The following ZNF469 variants were observed in gnomAD, a reference collection of about 807,000 sequenced individuals.
ZNF469 encodes zinc finger protein 469.
Under a neutral mutation model 1.0 loss-of-function variants are expected in ZNF469, and 1 was observed. The ratio of observed to expected loss-of-function variants is 1.00; its 90% CI spans 0.35 to 4.73. The LOEUF is 4.73. Ranked by LOEUF, ZNF469 falls within the 30% of genes most tolerant of loss-of-function variation. ZNF469 has a pLI of 0.16. For synonymous variants in ZNF469, 2,703 were observed against 2,363.4 expected, an observed-to-expected ratio of 1.14 and a Z score of -4.17; for missense variants, 6,100 against 5,356.3, an observed-to-expected ratio of 1.14 and a Z score of -4.33.
At chr16:88,229,242 A>G in the ZNF469 span, among the ~76,000 whole-genome samples, 2 of 152,242 alleles carry the variant, frequency 1.3e-5, no homozygotes, top group African/African-American at 2.4e-5. Flanking sequence ...GAGAGACTCT[A>G]GTGAAGATCT....
chr16:88,184,000 C>T, the ZNF469 span, among the ~76,000 whole-genome samples: 1 of 151,928 alleles, frequency 6.6e-6, no homozygotes, highest in African/African-American at 2.4e-5. Context: ...CTTTCTGTTC[C>T]TACCGGGAAG....
At chr16:88,166,957 C>T in the ZNF469 span, among the ~76,000 whole-genome samples, 4 of 151,596 alleles carry the variant, frequency 2.6e-5, no homozygotes, top group African/African-American at 9.7e-5. This position sits in a 1 kb window ranked among gnomAD's most constrained non-coding sequence, Gnocchi z 4.5. Context: ...GGCGAGCTCA[C>T]GGTGTGCAGG....
chr16:88,335,015 T>C, the ZNF469 span, among the ~76,000 whole-genome samples: 38 of 152,098 alleles, frequency 2.5e-4, no homozygotes, highest in South Asian at 2.1e-4. Context: ...GACACATGTG[T>C]GATGGAGACG....
chr16:88,272,855 C>T, the ZNF469 span, among the ~76,000 whole-genome samples: 50 of 140,166 alleles, frequency 3.6e-4, no homozygotes, highest in Middle Eastern at 4.9e-3. Context: ...GACGAGTGGA[C>T]GGATGGATGA....
At chr16:88,408,802 T>C (rs1905076094) in intron 1 of ZNF469, among the ~76,000 whole-genome samples, 2 of 152,212 alleles carry the variant, frequency 1.3e-5, no homozygotes, top group Non-Finnish European at 1.5e-5. Flanking sequence ...CGGCACCCAA[T>C]GCACCATTGA....
At chr16:88,320,040 G>A in the ZNF469 span, among the ~76,000 whole-genome samples, 2 of 152,242 alleles carry the variant, frequency 1.3e-5, no homozygotes, top group Non-Finnish European at 2.9e-5. Context: ...ATGTCCAACA[G>A]CGGGGGATAA....
chr16:88,353,409 C>A, the ZNF469 span, among the ~76,000 whole-genome samples: 6 of 152,326 alleles, frequency 3.9e-5, no homozygotes, highest in African/African-American at 1.4e-4. Context: ...CCGGCGCCCA[C>A]CTCCGCTTGG....
At chr16:88,393,888 G>T (rs562004158) in intron 1 of ZNF469, among the ~76,000 whole-genome samples, 1 of 152,224 alleles carries the variant, frequency 6.6e-6, no homozygotes, top group Non-Finnish European at 1.5e-5. Context: ...CGTCATCGGG[G>T]ACCCCAAAGG....
chr16:88,358,659 C>G, the ZNF469 span, among the ~76,000 whole-genome samples: 723 of 152,146 alleles, frequency 4.8e-3, no homozygotes, highest in Non-Finnish European at 6.8e-3. Context: ...TCCTGGGGTG[C>G]GTAGCATTCC....
chr16:88,159,122 G>T, the ZNF469 span, among the ~76,000 whole-genome samples: 1 of 14,428 alleles, frequency 6.9e-5, no homozygotes, highest in African/African-American at 1.1e-4. Flanking sequence ...GGGCTGTGCA[G>T]ACCATTCTCA....
At chr16:88,101,185 G>A in the ZNF469 span, among the ~76,000 whole-genome samples, 1 of 152,266 alleles carries the variant, frequency 6.6e-6, no homozygotes, top group South Asian at 2.1e-4. Flanking sequence ...CGATGGTGAC[G>A]ATCGCGATGC....
Position 88,431,179 on chromosome 16 carries a change from G to A in ZNF469, c.3709G>A (p.Asp1237Asn). The change falls in exon 3 of 3, where the codon GAC becomes AAC. Residue 1237 changes from aspartate to asparagine, a missense_variant. By Grantham distance (23) the Asp-to-Asn change is conservative. Transcript: ENST00000565624. ...TGAAACTGCCGAAGAGTCAGCCCCG[G>A]ACAGCACAGAATTCACAGAGGCTTT... ...EPETAEESAP[D>N]STEFTEALRS... 1.3e-6 allele frequency: 2 copies of A among 1,550,348 alleles called. No individual in the cohort carries two copies. Among genetic ancestry groups the A allele is most frequent in the Non-Finnish European group, 1.7e-6 (2 of 1,146,966 alleles).
chr16:88,351,272 CTG>C, the ZNF469 span, among the ~76,000 whole-genome samples: 2 of 152,218 alleles, frequency 1.3e-5, no homozygotes, highest in African/African-American at 4.8e-5. Context: ...GGTCACTGGG[CTG>C]TGTGGGTCTC....
At chr16:88,126,716 C>A in the ZNF469 span, among the ~76,000 whole-genome samples, 4 of 151,846 alleles carry the variant, frequency 2.6e-5, no homozygotes, top group African/African-American at 9.7e-5. Flanking sequence ...TGCAGTGGCT[C>A]GATCTCGGCT....
chr16:88,327,590 G>C, the ZNF469 span, among the ~76,000 whole-genome samples: 1 of 152,208 alleles, frequency 6.6e-6, no homozygotes, highest in South Asian at 2.1e-4. Flanking sequence ...CTGCGTCACC[G>C]GCAGCAGGAC....
the ZNF469 span, among the ~76,000 whole-genome samples, chr16:88,243,203 T>C: frequency 6.6e-6 from 1 of 152,198 alleles, no homozygotes; most frequent in Non-Finnish European, 1.5e-5. Flanking sequence ...CACCATAGAA[T>C]GGCACCCACC....
At chr16:88,231,608 C>G in the ZNF469 span, among the ~76,000 whole-genome samples, 1 of 152,192 alleles carries the variant, frequency 6.6e-6, no homozygotes, top group African/African-American at 2.4e-5. This position sits in a 1 kb window ranked among gnomAD's most constrained non-coding sequence, Gnocchi z 4.5. Context: ...TTGCACTCCT[C>G]GGCTCATGGC....
At chr16:88,140,484 C>G in the ZNF469 span, among the ~76,000 whole-genome samples, 1 of 132,622 alleles carries the variant, frequency 7.5e-6, no homozygotes, top group African/African-American at 4.3e-5. Context: ...AAGTCAGTGA[C>G]AACACTGATT....
At chr16:88,267,752 G>A in the ZNF469 span, among the ~76,000 whole-genome samples, 55,741 of 143,434 alleles carry the variant, frequency 0.39, 11,137 homozygotes, top group East Asian at 0.46. Flanking sequence ...GCTGTACTGG[G>A]GGCAGGGGGT....
Sources: allele counts gnomAD v4.1 joint callset (sites outside exome capture counted in the v4.1 genomes callset), GRCh38; gene constraint gnomAD v4.1.1; non-coding constraint Gnocchi (gnomAD v3.1); transcripts MANE v1.5; gene names NCBI Gene and HGNC (gene_info 2026-07-23, HGNC 2026-07-21).